The following BIRC3 variants were observed in gnomAD, a reference collection of about 807,000 sequenced individuals.
The protein encoded by BIRC3 is baculoviral IAP repeat-containing protein 3.
A neutral mutation model predicts 59.0 loss-of-function variants in BIRC3; 26 were observed. That is an observed-to-expected ratio of 0.44 (90% CI 0.32 to 0.61). The LOEUF (loss-of-function observed/expected upper bound fraction) is 0.61, where lower values mean the gene tolerates loss of function less well. Ranked by LOEUF, BIRC3 falls within the 20% of genes least tolerant of loss-of-function variation. The pLI is 0.04. For synonymous variants in BIRC3, 243 were observed against 249.2 expected (o/e 0.98, Z 0.24); for missense variants, 641 against 711.5 (o/e 0.90, Z 1.13).
intron 3 of BIRC3, among the ~76,000 whole-genome samples, chr11:102,327,743 G>A: frequency 6.6e-6 from 1 of 151,958 alleles, no homozygotes; most frequent in Non-Finnish European, 1.5e-5. Flanking sequence ...GTCATGAGAA[G>A]CATCTTACAA....
At position 102,336,494 on chromosome 11, in the gene BIRC3, TG is replaced by T. The variant is rs556893362; in HGVS notation, c.1580-265del. On this transcript the variant is annotated intron_variant, in intron 7 of 8. Coordinates refer to ENST00000263464, the MANE Select transcript of BIRC3 (RefSeq NM_001165.5). ...TGGTAATCCCAGCTACTCAAGAGGA[TG>T]AGGTGGGAGGATGGCTTAAGCCTGA... 1.3e-5 allele frequency: 7 copies of T among 554,686 alleles called. No homozygotes were observed. In the South Asian group the frequency reaches 1.5e-4, roughly 12 times the overall value. 34.4% of individuals were successfully genotyped at this position (554,686 alleles called of 1,614,324 possible).
At chr11:102,318,061 T>A (rs1950990040) in intron 1 of BIRC3, among the ~76,000 whole-genome samples, 2 of 152,322 alleles carry the variant, frequency 1.3e-5, no homozygotes, top group Admixed American at 6.5e-5. Flanking sequence ...CTCTGATCAA[T>A]ACATTGTCGA....
At chr11:102,331,352 G>GT (rs1951137352) in intron 6 of BIRC3, 111 bp downstream of exon 6, 1 of 1,153,892 alleles carries the variant, frequency 8.7e-7, no homozygotes, top group Non-Finnish European at 1.1e-6. Flanking sequence ...ATCCAGTCAG[G>GT]TTTTTTTCAT....
chr11:102,318,485 C>G (rs942650452), intron 1 of BIRC3, among the ~76,000 whole-genome samples: 9 of 152,174 alleles, frequency 5.9e-5, no homozygotes, highest in Admixed American at 5.9e-4. Context: ...CCCCATATAC[C>G]AAGCTCTGCA....
intron 7 of BIRC3, 111 bp from the exon 8 acceptor site, chr11:102,336,649 C>T (rs1565325777): frequency 1.0e-6 from 1 of 999,848 alleles, no homozygotes; most frequent in East Asian, 2.5e-5. Flanking sequence ...ACTTCTGTTG[C>T]CTTGAAATGA....
rs181843916 is a variant in BIRC3 at position 102,323,175 on chromosome 11, A to T, written c.-1335A>T. ...AGGTGATAAGTTGAATAACTCTACA[A>T]TGTTAGTTCTTTGAGGGGGACAAAA... On this transcript the variant is annotated 5_prime_UTR_variant, in exon 2 of 9. An upstream start codon of the reference 5' UTR is lost. Coordinates refer to ENST00000263464, the MANE Select transcript of BIRC3 (RefSeq NM_001165.5). The T allele has an allele frequency of 1.0e-5, 2 of 199,344 alleles. No homozygotes were observed. Among genetic ancestry groups the T allele is most frequent in the Non-Finnish European group, 2.1e-5 (2 of 96,578 alleles). The allele number at this position is 199,344 out of a possible 1,614,324, so 12.3% of individuals were successfully genotyped here.
chr11:102,339,127 C>A lies in BIRC3; in HGVS notation c.*2025C>A. 1 of 206,294 alleles carries A rather than the reference C, an allele frequency of 4.8e-6. No individual in the cohort carries two copies. The highest frequency in any genetic ancestry group is 7.4e-5 in the East Asian group (1 of 13,548). 12.8% of individuals were successfully genotyped at this position (206,294 alleles called of 1,614,324 possible). A position where few individuals can be genotyped will look rare whatever the true frequency, so the allele number is the denominator to read the frequency against. ...GCCAGTGTCCTGCATGGGTGCTAGG[C>A]TGAATTATTTGTAATTGTGCTTAGG... On this transcript the variant is annotated 3_prime_UTR_variant, in exon 9 of 9. Coordinates refer to ENST00000263464, the MANE Select transcript of BIRC3 (RefSeq NM_001165.5).
In BIRC3 at chr11:102,337,849, A is replaced by G. The variant is rs1951212993; in HGVS notation, c.*747A>G. ...TACAGTTTATACTCCTTCCCATAAGATGCTTCTTCATTGACACTTGTAGAA... is the reference window on the plus strand; with the variant it reads ...TACAGTTTATACTCCTTCCCATAAGGTGCTTCTTCATTGACACTTGTAGAA... On this transcript the variant is annotated 3_prime_UTR_variant, in exon 9 of 9. Coordinates refer to ENST00000263464, the MANE Select transcript of BIRC3 (RefSeq NM_001165.5). 1 of 230,418 alleles carries G rather than the reference A, an allele frequency of 4.3e-6. No homozygotes were observed. 14.3% of individuals were successfully genotyped at this position (230,418 alleles called of 1,614,324 possible).
chr11:102,332,682 C>T (rs1340643386), intron 6 of BIRC3, among the ~76,000 whole-genome samples: 1 of 152,202 alleles, frequency 6.6e-6, no homozygotes, highest in Non-Finnish European at 1.5e-5. Context: ...CAACCCTGCC[C>T]ATGAAGATGG....
chr11:102,325,593 A>G, intron 3 of BIRC3, 28 bp downstream of exon 3: 1 of 1,596,476 alleles, frequency 6.3e-7, no homozygotes, highest in Non-Finnish European at 8.6e-7. Flanking sequence ...CTCTTTGCAA[A>G]TTCTTGTGAT....
At chr11:102,321,659 C>CCT (rs1423969625) in intron 1 of BIRC3, among the ~76,000 whole-genome samples, 178 bp from the exon 2 acceptor site, 7 of 152,148 alleles carry the variant, frequency 4.6e-5, no homozygotes, top group African/African-American at 1.7e-4. Context: ...CAGGCAGAGG[C>CCT]CTCTGTTTTT....
Position 102,328,898 on chromosome 11 carries a change from T to C in BIRC3, c.1034T>C (p.Leu345Pro). 7.6e-7 allele frequency: 1 copy of C among 1,314,576 alleles called. No homozygotes were observed. The highest frequency in any genetic ancestry group is 2.1e-5 in the South Asian group (1 of 47,438). 81.4% of individuals were successfully genotyped at this position (1,314,576 alleles called of 1,614,324 possible). ...QASYPHLLEQ[L>P]LSTSDSPGDE... is the part of the protein sequence containing the mutation. ...TATATATATTTTTTTTTTCTGCAGC[T>C]GCTATCCACATCAGACAGCCCAGGA... The change falls in exon 5 of 9, where the codon CTG (leucine) becomes CCG (proline). Residue 345 changes from leucine to proline, a missense_variant and splice_region_variant. Transcript: ENST00000263464.
In BIRC3 at chr11:102,338,189, C is replaced by T. The variant is rs997156213; in HGVS notation, c.*1087C>T. The T allele has an allele frequency of 3.1e-5, 7 of 227,686 alleles. No homozygotes were observed. The highest frequency in any genetic ancestry group is 1.6e-4 in the African/African-American group (7 of 45,002). 14.1% of individuals were successfully genotyped at this position (227,686 alleles called of 1,614,324 possible). On this transcript the variant is annotated 3_prime_UTR_variant, in exon 9 of 9. Transcript: ENST00000263464. ...GGTACTCAACACGTCCGAGTCATAA[C>T]TCTGTCCTTTGCTTCTTATAGAGGT...
At chr11:102,325,848 C>T (rs1951075839) in intron 3 of BIRC3, among the ~76,000 whole-genome samples, 1 of 151,878 alleles carries the variant, frequency 6.6e-6, no homozygotes, top group Non-Finnish European at 1.5e-5. Flanking sequence ...TAGAAAAGCA[C>T]AGAGAAGGAA....
chr11:102,334,956 A>G (rs1230763730), intron 6 of BIRC3, among the ~76,000 whole-genome samples: 1 of 152,208 alleles, frequency 6.6e-6, no homozygotes, highest in Non-Finnish European at 1.5e-5. Context: ...AAGAAATTTT[A>G]TGGGCCGGAC....
intron 6 of BIRC3, among the ~76,000 whole-genome samples, chr11:102,334,306 T>C (rs7127583): frequency 0.71 from 107,419 of 152,100 alleles, 38,601 homozygotes; most frequent in African/African-American, 0.82. Flanking sequence ...AGAACTAAGG[T>C]TTGATTGTTC....
At chr11:102,334,249 C>G (rs983329302) in intron 6 of BIRC3, among the ~76,000 whole-genome samples, 1 of 152,104 alleles carries the variant, frequency 6.6e-6, no homozygotes, top group Non-Finnish European at 1.5e-5. Context: ...AGTTCTAAGT[C>G]TTCTACCCCT....
At chr11:102,318,243 T>C (rs1950994087) in intron 1 of BIRC3, among the ~76,000 whole-genome samples, 1 of 152,380 alleles carries the variant, frequency 6.6e-6, no homozygotes, top group Non-Finnish European at 1.5e-5. Context: ...GGTACCATAA[T>C]TATCTCCATT....
intron 6 of BIRC3, among the ~76,000 whole-genome samples, chr11:102,334,577 A>C (rs1951177466): frequency 6.6e-6 from 1 of 152,166 alleles, no homozygotes; most frequent in African/African-American, 2.4e-5. Context: ...CTAAAATCTA[A>C]CAATCCTCTC....
Sources: allele counts gnomAD v4.1 joint callset (sites outside exome capture counted in the v4.1 genomes callset), GRCh38; gene constraint gnomAD v4.1.1; transcripts MANE v1.5; gene names NCBI Gene and HGNC (gene_info 2026-07-23, HGNC 2026-07-21).